GRIP1: variants seen among roughly 807,000 people sequenced by gnomAD.
The protein encoded by GRIP1 is glutamate receptor interacting protein 1.
Under a neutral mutation model 129.9 loss-of-function variants are expected in GRIP1, and 45 were observed. The observed-to-expected ratio is 0.35, with a 90% CI of 0.27 to 0.44. The LOEUF is 0.44. Among genes scored for constraint, GRIP1 ranks in the 20% least tolerant of loss-of-function variants. GRIP1 has a pLI of 1.00. For missense variants in GRIP1, 1,196 were observed against 1,396.8 expected, an observed-to-expected ratio of 0.86 and a Z score of 2.29; for synonymous variants, 530 against 520.8, an observed-to-expected ratio of 1.02 and a Z score of -0.24.
chr12:66,954,464 C>T (rs967966076), intron 1 of GRIP1, among the ~76,000 whole-genome samples: 1 of 152,160 alleles, frequency 6.6e-6, no homozygotes, highest in African/African-American at 2.4e-5. Context: ...GGCCAAGTGT[C>T]CTGGAACCCC....
chr12:66,610,360 T>C (rs10878467), intron 1 of GRIP1, among the ~76,000 whole-genome samples: 58,341 of 151,904 alleles, frequency 0.38, 11,457 homozygotes, highest in African/African-American at 0.42. Context: ...CAAGTATACA[T>C]ATAAACAGTA....
intron 2 of GRIP1, among the ~76,000 whole-genome samples, chr12:66,586,932 T>C (rs1204250486): frequency 6.6e-6 from 1 of 152,128 alleles, no homozygotes; most frequent in Non-Finnish European, 1.5e-5. Flanking sequence ...AAAAAGAAAT[T>C]ACATCAATAC....
intron 16 of GRIP1, 50 bp from the exon 17 acceptor site, chr12:66,394,402 A>C (rs1390022598): frequency 6.9e-7 from 1 of 1,453,514 alleles, no homozygotes; most frequent in Admixed American, 1.7e-5. Context: ...AAAAAGCAAA[A>C]GAGTAAGATG....
At position 66,392,391 on chromosome 12, in the gene GRIP1, A is replaced by C. The variant is rs144494437; in HGVS notation, c.2381T>G (p.Met794Arg). The C allele has an allele frequency of 1.5e-3, 2,475 of 1,613,954 alleles. 14 individuals are homozygous for C. In the Middle Eastern group the frequency reaches 0.02, roughly 13 times the overall value. Residue 794 changes from methionine to arginine, a missense_variant, in exon 19 of 25, where the codon ATG becomes AGG. Met to Arg is a moderately conservative substitution (Grantham distance 91). This residue lies in a region of GRIP1 where 427 missense variants were observed against 463.3 expected (regional missense o/e 0.92). Coordinates refer to ENST00000359742, the MANE Select transcript of GRIP1 (RefSeq NM_001366722.1). ...CACACTGGGCACCGTGGAGGGGTAC[A>C]TGTCGGAGAGCTTGCCTGGCTTCTG... ...PAQKPGKLSD[M>R]YPSTVPSVDS...
At chr12:66,905,862 C>T (rs974567250) in intron 1 of GRIP1, among the ~76,000 whole-genome samples, 1 of 151,972 alleles carries the variant, frequency 6.6e-6, no homozygotes, top group Non-Finnish European at 1.5e-5. Flanking sequence ...ATAGTGTTTT[C>T]GATTTCTACT....
chr12:66,937,374 G>A (rs1366269606), intron 1 of GRIP1, among the ~76,000 whole-genome samples: 1 of 152,232 alleles, frequency 6.6e-6, no homozygotes, highest in African/African-American at 2.4e-5. Flanking sequence ...AGCTCCATGA[G>A]AGCAAGGGTC....
intron 4 of GRIP1, among the ~76,000 whole-genome samples, chr12:66,530,214 C>T (rs991610470): frequency 6.6e-6 from 1 of 152,164 alleles, no homozygotes. Context: ...TTAAACTCTA[C>T]CTAACAAGAG....
Position 66,529,862 on chromosome 12 carries a change from T to G in GRIP1, c.471A>C (p.Lys157Asn), listed in dbSNP as rs772905202. The G allele has an allele frequency of 1.2e-6, 2 of 1,605,006 alleles. No homozygotes were observed. The part of the protein sequence containing the change: ...IFRTVEVTLH[K>N]EGNTFGFVIR... Reference sequence around the variant, plus strand: ...TTACAAAACCAAAGGTATTGCCTTCTTTATGTAATGTGACCTCCACTGTTC... The same window carrying G: ...TTACAAAACCAAAGGTATTGCCTTCGTTATGTAATGTGACCTCCACTGTTC... The change falls in exon 5 of 25, where the codon AAA becomes AAC. Residue 157 changes from lysine (K) to asparagine (N), a missense_variant. Coordinates refer to ENST00000359742, the MANE Select transcript of GRIP1 (RefSeq NM_001366722.1).
chr12:66,723,304 CTTTTTTTTTTTTTTTTT>C (rs57938064), intron 1 of GRIP1, among the ~76,000 whole-genome samples: 3 of 58,418 alleles, frequency 5.1e-5, no homozygotes, highest in South Asian at 7.0e-4. Flanking sequence ...TTCTTTCTTT[CTTTTTTTTTTTTTTTTT>C]TTTTTTTTTG....
intron 7 of GRIP1, among the ~76,000 whole-genome samples, chr12:66,466,367 G>C (rs570710896): frequency 3.3e-5 from 5 of 152,272 alleles, no homozygotes; most frequent in African/African-American, 1.2e-4. Flanking sequence ...ATAATGATTA[G>C]CACATCAGAG....
intron 1 of GRIP1, among the ~76,000 whole-genome samples, chr12:66,999,336 A>G (rs2042516258): frequency 6.6e-6 from 1 of 152,150 alleles, no homozygotes; most frequent in Non-Finnish European, 1.5e-5. Context: ...CCACCCACAT[A>G]AGGAAGTTGG....
At chr12:66,563,962 T>G (rs1334431245) in intron 2 of GRIP1, 1 of 152,604 alleles carries the variant, frequency 6.6e-6, no homozygotes, top group East Asian at 2.0e-4. Flanking sequence ...AGCCCAAGGC[T>G]TGGCAGCACC....
chr12:66,772,603 A>G (rs2037853648), intron 1 of GRIP1, among the ~76,000 whole-genome samples: 1 of 152,206 alleles, frequency 6.6e-6, no homozygotes, highest in Admixed American at 6.5e-5. Flanking sequence ...TATTACTAAA[A>G]GACTTGATCT....
chr12:66,461,925 G>A (rs903385803), intron 9 of GRIP1, among the ~76,000 whole-genome samples: 4 of 152,148 alleles, frequency 2.6e-5, no homozygotes, highest in Admixed American at 6.5e-5. Flanking sequence ...GGAGTACAAA[G>A]GAATGGTGTT....
At chr12:66,960,064 A>G (rs776069492) in intron 1 of GRIP1, among the ~76,000 whole-genome samples, 2 of 152,210 alleles carry the variant, frequency 1.3e-5, no homozygotes, top group Non-Finnish European at 2.9e-5. Context: ...TTTAGGAAAC[A>G]GAAGGAAGGT....
At chr12:67,020,069 CT>C (rs1425141965) in intron 1 of GRIP1, among the ~76,000 whole-genome samples, 1 of 152,044 alleles carries the variant, frequency 6.6e-6, no homozygotes, top group African/African-American at 2.4e-5. Context: ...TTAGTAACTT[CT>C]TTTTTTGCAC....
At chr12:66,498,485 C>T (rs1422327373) in intron 7 of GRIP1, among the ~76,000 whole-genome samples, 3 of 152,180 alleles carry the variant, frequency 2.0e-5, no homozygotes, top group Non-Finnish European at 4.4e-5. Flanking sequence ...CTCTTATTTT[C>T]TACCTGGGCA....
intron 1 of GRIP1, among the ~76,000 whole-genome samples, chr12:66,920,187 G>T (rs76912791): frequency 0.016 from 2,391 of 152,136 alleles, 70 homozygotes; most frequent in African/African-American, 0.054. Context: ...TGACTTTGAC[G>T]AACCTGTATT....
Position 66,821,437 on chromosome 12 carries a change from C to T in GRIP1, c.59-224510G>A, listed in dbSNP as rs550175798. Among the ~76,000 whole-genome samples the T allele has an allele frequency of 1.2e-3, 182 of 152,224 alleles. 2 individuals are homozygous for T. The highest frequency in any genetic ancestry group is 2.4e-3 in the Non-Finnish European group (163 of 67,988). ...AGTACTCAAGTCCAAAACACCCTGACATGCATAATCGTGGTTTCCCCCTAA... is the reference window on the plus strand; with the variant it reads ...AGTACTCAAGTCCAAAACACCCTGATATGCATAATCGTGGTTTCCCCCTAA... On this transcript the variant is annotated intron_variant, in intron 1 of 1. Transcript: ENST00000643019.
Sources: allele counts gnomAD v4.1 joint callset (sites outside exome capture counted in the v4.1 genomes callset), GRCh38; gene constraint gnomAD v4.1.1; regional missense constraint gnomAD v4.1.1; transcripts MANE v1.5; gene names NCBI Gene and HGNC (gene_info 2026-07-23, HGNC 2026-07-21).